The following FAT3 variants were observed in gnomAD, a reference collection of about 807,000 sequenced individuals.
FAT3 encodes the protein protocadherin Fat 3.
FAT3 carries 95 observed loss-of-function variants against 310.2 expected under a neutral mutation model. The ratio of observed to expected loss-of-function variants is 0.31; its 90% confidence interval spans 0.26 to 0.36. The LOEUF (loss-of-function observed/expected upper bound fraction) is 0.36, where lower values mean the gene tolerates loss of function less well. FAT3 is among the 10% of genes least tolerant of loss of function. FAT3 has a pLI of 1.00. For missense variants in FAT3, 5,408 were observed against 5,715.6 expected, an observed-to-expected ratio of 0.95 and a Z score of 1.74; for synonymous variants, 2,314 against 2,192.9, an observed-to-expected ratio of 1.06 and a Z score of -1.54.
At chr11:92,720,988 A>G (rs1473632030) in intron 4 of FAT3, among the ~76,000 whole-genome samples, 1 of 152,218 alleles carries the variant, frequency 6.6e-6, no homozygotes, top group Non-Finnish European at 1.5e-5. Flanking sequence ...GCAGGATGTT[A>G]CATAGGTAAA....
intron 2 of FAT3, among the ~76,000 whole-genome samples, chr11:92,484,773 C>T (rs116767970): frequency 0.016 from 2,441 of 152,316 alleles, 66 homozygotes; most frequent in African/African-American, 0.054. Flanking sequence ...TTCGCTTCTA[C>T]GCTGCATCTT....
intron 13 of FAT3, among the ~76,000 whole-genome samples, chr11:92,810,871 G>A (rs1442793499): frequency 1.3e-5 from 2 of 152,162 alleles, no homozygotes; most frequent in Non-Finnish European, 2.9e-5. Flanking sequence ...CTGTAAATCA[G>A]AGTACTAGGA....
chr11:92,765,866 G>T (rs1946296295), intron 6 of FAT3, among the ~76,000 whole-genome samples: 1 of 151,338 alleles, frequency 6.6e-6, no homozygotes, highest in Non-Finnish European at 1.5e-5. Context: ...TTATCTTTTT[G>T]TAGGTTGGTT....
intron 3 of FAT3, among the ~76,000 whole-genome samples, chr11:92,627,756 C>G (rs2135690810): frequency 6.6e-6 from 1 of 152,262 alleles, no homozygotes; most frequent in East Asian, 1.9e-4. Flanking sequence ...CCCACTTCCT[C>G]TAACAGTCAG....
chr11:92,344,626 A>G (rs1236781919), intron 1 of FAT3, among the ~76,000 whole-genome samples: 1 of 152,236 alleles, frequency 6.6e-6, no homozygotes, highest in Non-Finnish European at 1.5e-5. Flanking sequence ...CTAGAGTAAG[A>G]GTGAATCTTC....
At chr11:92,361,147 A>G (rs1020961652) in intron 2 of FAT3, among the ~76,000 whole-genome samples, 7 of 152,190 alleles carry the variant, frequency 4.6e-5, no homozygotes, top group African/African-American at 9.6e-5. Flanking sequence ...TTTTCATTCC[A>G]GAACCCAGGC....
At chr11:92,557,619 T>G (rs986059834) in intron 3 of FAT3, among the ~76,000 whole-genome samples, 1 of 152,202 alleles carries the variant, frequency 6.6e-6, no homozygotes, top group Admixed American at 6.5e-5. Flanking sequence ...CTGTATCAGA[T>G]TCTGTGCCCC....
chr11:92,512,870 C>CTCTCTTCATG lies in FAT3; in HGVS notation c.3293-11764_3293-11763insTCTCTTCATG, dbSNP rs1397647221. 5.7e-3 allele frequency among the ~76,000 whole-genome samples: 238 copies of CTCTCTTCATG among 41,936 alleles called. 4 individuals are homozygous for CTCTCTTCATG. Among genetic ancestry groups the CTCTCTTCATG allele is most frequent in the African/African-American group, 0.029 (223 of 7,710 alleles). 27.5% of individuals were successfully genotyped at this position (41,936 alleles called of 152,430 possible). On this transcript the variant is annotated intron_variant, in intron 2 of 27. Transcript: ENST00000525166. ...GGGCGCGGTGGCTCACGCCTGTAAT[C>CTCTCTTCATG]CCAGCACTTTGGGAGGCCGAGGCGG...
chr11:92,667,347 C>G (rs929172446), intron 3 of FAT3, among the ~76,000 whole-genome samples: 1 of 152,100 alleles, frequency 6.6e-6, no homozygotes, highest in African/African-American at 2.4e-5. Flanking sequence ...GCTTCTTGCC[C>G]TTCTCCACAC....
intron 1 of FAT3, among the ~76,000 whole-genome samples, chr11:92,269,879 A>G (rs1200111504): frequency 6.6e-6 from 1 of 152,120 alleles, no homozygotes; most frequent in Non-Finnish European, 1.5e-5. Context: ...GAAGTTTTCT[A>G]TTCTACATCC....
intron 1 of FAT3, among the ~76,000 whole-genome samples, chr11:92,322,215 A>G (rs993650855): frequency 3.9e-5 from 6 of 152,236 alleles, no homozygotes; most frequent in African/African-American, 1.2e-4. Context: ...TTGGTTTCCC[A>G]GTGCATATGA....
intron 2 of FAT3, among the ~76,000 whole-genome samples, chr11:92,479,126 C>A (rs1262987867): frequency 8.6e-5 from 13 of 150,876 alleles, no homozygotes; most frequent in African/African-American, 2.7e-4. Context: ...CTCAGCCTCT[C>A]TAGTAGCTGA....
intron 2 of FAT3, among the ~76,000 whole-genome samples, chr11:92,449,576 G>A (rs1951303899): frequency 2.6e-5 from 4 of 152,126 alleles, no homozygotes; most frequent in Admixed American, 2.6e-4. Context: ...TGCATTTAGG[G>A]AACATACATC....
At chr11:92,614,552 A>G (rs1328935518) in intron 3 of FAT3, among the ~76,000 whole-genome samples, 1 of 152,062 alleles carries the variant, frequency 6.6e-6, no homozygotes, top group African/African-American at 2.4e-5. Flanking sequence ...CTTTTTGATT[A>G]GGTTGTTTGT....
At chr11:92,282,494 A>T (rs1037343902) in intron 1 of FAT3, among the ~76,000 whole-genome samples, 1 of 151,986 alleles carries the variant, frequency 6.6e-6, no homozygotes, top group Non-Finnish European at 1.5e-5. Flanking sequence ...GTGAAAACTC[A>T]TCTCTACTAA....
chr11:92,619,846 A>T (rs905895964), intron 3 of FAT3, among the ~76,000 whole-genome samples: 1 of 151,388 alleles, frequency 6.6e-6, no homozygotes, highest in Non-Finnish European at 1.5e-5. Context: ...TATTTCATTG[A>T]TTTCCACCAC....
At chr11:92,414,624 T>C (rs934944596) in intron 2 of FAT3, among the ~76,000 whole-genome samples, 1 of 152,240 alleles carries the variant, frequency 6.6e-6, no homozygotes, top group African/African-American at 2.4e-5. Flanking sequence ...TGATTTTCTT[T>C]CTTGGAAACA....
intron 2 of FAT3, among the ~76,000 whole-genome samples, chr11:92,438,581 A>G (rs1252542708): frequency 6.6e-6 from 1 of 152,196 alleles, no homozygotes; most frequent in Non-Finnish European, 1.5e-5. Flanking sequence ...TTTTTAATGT[A>G]TTATTTGAAT....
At chr11:92,294,205 A>G (rs1348286862) in intron 1 of FAT3, among the ~76,000 whole-genome samples, 1 of 152,044 alleles carries the variant, frequency 6.6e-6, no homozygotes, top group Non-Finnish European at 1.5e-5. Flanking sequence ...ATGCATGCAG[A>G]AAGAAAGAAA....
Sources: gnomAD v4.1 joint callset for allele counts (sites outside exome capture counted in the v4.1 genomes callset) on GRCh38, gnomAD v4.1.1 for gene constraint, MANE v1.5 for transcripts, NCBI Gene and HGNC (gene_info 2026-07-23, HGNC 2026-07-21) for gene names.